PTPRD: variants seen among roughly 807,000 people sequenced by gnomAD.
PTPRD encodes the protein protein tyrosine phosphatase receptor type D, also known as receptor-type tyrosine-protein phosphatase delta.
In PTPRD, 34 loss-of-function variants were observed where a neutral mutation model predicts 214.5. The ratio of observed to expected loss-of-function variants is 0.16; its 90% CI spans 0.12 to 0.21. PTPRD has a LOEUF of 0.21. PTPRD is among the 10% of genes least tolerant of loss of function. The pLI is 1.00. For synonymous variants in PTPRD, 1,128 were observed against 845.7 expected, an observed-to-expected ratio of 1.33 and a Z score of -5.79; for missense variants, 2,545 against 2,398.7, an observed-to-expected ratio of 1.06 and a Z score of -1.27.
intron 10 of PTPRD, among the ~76,000 whole-genome samples, chr9:9,168,343 T>A (rs1365438961): frequency 6.6e-6 from 1 of 152,222 alleles, no homozygotes; most frequent in African/African-American, 2.4e-5. Flanking sequence ...TTTATTCATT[T>A]TTTTATCTTG....
At chr9:8,585,134 A>G (rs1489566445) in intron 14 of PTPRD, among the ~76,000 whole-genome samples, 2 of 152,184 alleles carry the variant, frequency 1.3e-5, no homozygotes, top group Non-Finnish European at 2.9e-5. Context: ...AAATGAATAC[A>G]ATGCTTGCCA....
intron 4 of PTPRD, among the ~76,000 whole-genome samples, chr9:10,013,585 G>A (rs1449043185): frequency 3.5e-5 from 5 of 144,528 alleles, no homozygotes; most frequent in African/African-American, 1.0e-4. Flanking sequence ...TGTAGTAGCT[G>A]AAAAAAAAAA....
At chr9:9,305,290 G>C (rs1276723378) in intron 9 of PTPRD, among the ~76,000 whole-genome samples, 1 of 151,872 alleles carries the variant, frequency 6.6e-6, no homozygotes, top group Non-Finnish European at 1.5e-5. Context: ...AATCTTGGTA[G>C]GTTTTCCAGA....
At chr9:10,149,739 T>C (rs1028900878) in intron 3 of PTPRD, among the ~76,000 whole-genome samples, 3 of 151,852 alleles carry the variant, frequency 2.0e-5, no homozygotes, top group African/African-American at 7.3e-5. Context: ...TTTTCTTTTT[T>C]TTTTTTTCTG....
intron 7 of PTPRD, among the ~76,000 whole-genome samples, chr9:9,607,239 C>G (rs1223349723): frequency 1.3e-5 from 2 of 151,948 alleles, no homozygotes; most frequent in Admixed American, 1.3e-4. Flanking sequence ...AAGTAGTAAC[C>G]CAATCACACT....
At chr9:8,845,528 A>T (rs1348771125) in intron 11 of PTPRD, among the ~76,000 whole-genome samples, 1 of 152,246 alleles carries the variant, frequency 6.6e-6, no homozygotes, top group East Asian at 1.9e-4. Flanking sequence ...GGCATGAAAG[A>T]CAGCCTGGCT....
intron 11 of PTPRD, among the ~76,000 whole-genome samples, chr9:8,874,773 GTGAT>G (rs2098362542): frequency 6.6e-6 from 1 of 152,190 alleles, no homozygotes; most frequent in African/African-American, 2.4e-5. Context: ...GTTTCATACT[GTGAT>G]TGTGCAGAGC....
chr9:8,496,191 CACACACACACACACACACAA>C (rs1339140937), intron 26 of PTPRD, among the ~76,000 whole-genome samples: 1 of 146,184 alleles, frequency 6.8e-6, no homozygotes, highest in African/African-American at 2.5e-5. Context: ...CACACACACA[CACACACACACACACACACAA>C]ACACACACAC....
chr9:9,766,161 ATTTTC>A (rs2098705455), intron 6 of PTPRD, among the ~76,000 whole-genome samples: 1 of 152,008 alleles, frequency 6.6e-6, no homozygotes, highest in African/African-American at 2.4e-5. Flanking sequence ...CATCTTATAC[ATTTTC>A]TTTTCAACTC....
intron 5 of PTPRD, among the ~76,000 whole-genome samples, chr9:9,888,666 C>T (rs1374764493): frequency 2.0e-5 from 3 of 152,138 alleles, no homozygotes; most frequent in African/African-American, 7.2e-5. Flanking sequence ...TGAGCGAAAG[C>T]TTCCTGAAGC....
intron 3 of PTPRD, among the ~76,000 whole-genome samples, chr9:10,049,332 T>C (rs2097476819): frequency 6.7e-6 from 1 of 150,340 alleles, no homozygotes; most frequent in Non-Finnish European, 1.5e-5. Flanking sequence ...TCTTCAATAC[T>C]TTCAGAAATA....
intron 9 of PTPRD, among the ~76,000 whole-genome samples, chr9:9,338,923 C>A (rs138967592): frequency 2.4e-4 from 36 of 152,168 alleles, no homozygotes; most frequent in Non-Finnish European, 5.1e-4. Flanking sequence ...ACTCCCAAAA[C>A]TTTCTATCAA....
At chr9:8,783,616 G>C (rs1406439742) in intron 11 of PTPRD, among the ~76,000 whole-genome samples, 2 of 152,176 alleles carry the variant, frequency 1.3e-5, no homozygotes, top group East Asian at 1.9e-4. Context: ...CTGGTCATTA[G>C]AACACACTAC....
At chr9:9,040,800 T>C (rs72692894) in intron 10 of PTPRD, among the ~76,000 whole-genome samples, 15,761 of 152,204 alleles carry the variant, frequency 0.1, 954 homozygotes, top group African/African-American at 0.17. Context: ...ACAAAATAGA[T>C]TGTAGACTTG....
At chr9:9,350,881 G>T (rs1219586140) in intron 9 of PTPRD, among the ~76,000 whole-genome samples, 3 of 152,024 alleles carry the variant, frequency 2.0e-5, no homozygotes, top group Non-Finnish European at 2.9e-5. Context: ...AATATTTTAA[G>T]ATCCTCTTTT....
At chr9:9,234,443 AT>A (rs1363443519) in intron 9 of PTPRD, among the ~76,000 whole-genome samples, 1 of 152,018 alleles carries the variant, frequency 6.6e-6, no homozygotes, top group Middle Eastern at 3.2e-3. Context: ...CCCTGGAGAC[AT>A]TTTCCCCATT....
intron 2 of PTPRD, among the ~76,000 whole-genome samples, chr9:10,425,143 T>A (rs2154518228): frequency 6.6e-6 from 1 of 152,052 alleles, no homozygotes; most frequent in Non-Finnish European, 1.5e-5. Context: ...TAAAATCAAC[T>A]CCAGAGACCA....
intron 2 of PTPRD, among the ~76,000 whole-genome samples, chr9:10,367,072 A>T (rs1055041733): frequency 2.9e-5 from 4 of 139,416 alleles, no homozygotes; most frequent in African/African-American, 1.1e-4. Context: ...AAAGAAACAG[A>T]CAAACATAAA....
intron 8 of PTPRD, among the ~76,000 whole-genome samples, chr9:9,422,984 T>C (rs529674586): frequency 6.6e-6 from 1 of 152,164 alleles, no homozygotes; most frequent in East Asian, 1.9e-4. Flanking sequence ...CTTAGTTGGG[T>C]CCCTCTTGGC....
Sources: allele counts gnomAD v4.1 joint callset (sites outside exome capture counted in the v4.1 genomes callset), GRCh38; gene constraint gnomAD v4.1.1; transcripts MANE v1.5; gene names NCBI Gene and HGNC (gene_info 2026-07-23, HGNC 2026-07-21).